Variants in MYO15A observed in about 807,000 individuals in gnomAD.
The protein encoded by MYO15A is myosin XVA, also known as unconventional myosin-XV.
In MYO15A, 308 loss-of-function variants were observed where a neutral mutation model predicts 394.6. That is an observed-to-expected ratio of 0.78 (90% CI 0.71 to 0.86). The LOEUF is 0.86. Among genes scored for constraint, MYO15A ranks in the 40% least tolerant of loss-of-function variants. The pLI is 0.00. For missense variants in MYO15A, 4,606 were observed against 4,799.1 expected, an observed-to-expected ratio of 0.96 and a Z score of 1.19; for synonymous variants, 1,957 against 2,003.8, an observed-to-expected ratio of 0.98 and a Z score of 0.62.
chr17:18,109,071 C>T (rs1226892876), intron 1 of MYO15A: 1 of 152,286 alleles, frequency 6.6e-6, no homozygotes, highest in Admixed American at 6.5e-5. Flanking sequence ...CCTCTCCTGA[C>T]TGTCCTGATG....
Position 18,119,657 on chromosome 17 carries a change from C to T in MYO15A, c.857C>T (p.Pro286Leu). The stretch of plus-strand genomic sequence containing the variant: ...TACTACGGGTACCCGCCCGAGGATC[C>T]CTACGACTACTACCACCCCGACTAT... ...DHYYGYPPEDPYDYYHPDYYG... is the reference protein window; with the variant it reads ...DHYYGYPPEDLYDYYHPDYYG... Residue 286 changes from proline (P) to leucine (L), a missense_variant, in exon 2 of 66, where the codon CCC becomes CTC. This residue lies in a region of MYO15A where 1,830 missense variants were observed against 1,689.7 expected (regional missense o/e 1.08). Coordinates refer to ENST00000647165, the MANE Select transcript of MYO15A (RefSeq NM_016239.4). 1.2e-6 allele frequency: 2 copies of T among 1,604,868 alleles called. No homozygotes were observed. The highest frequency in any genetic ancestry group is 1.7e-6 in the Non-Finnish European group (2 of 1,179,932).
At position 18,144,636 on chromosome 17, in the gene MYO15A, G is replaced by A. The variant is rs775154812; in HGVS notation, c.6273+44G>A. The A allele has an allele frequency of 3.1e-5, 50 of 1,590,930 alleles. No homozygotes were observed. In the Middle Eastern group the frequency reaches 1.1e-3, roughly 36 times the overall value. On this transcript the variant is annotated intron_variant, in intron 29 of 65. Transcript: ENST00000647165. ...CCCACCTTCTAATTCTTAGCCCCTG[G>A]CCCTGAAACTGGGCCATGAGGCTCC... is the stretch of plus-strand genomic sequence containing the variant.
In MYO15A at chr17:18,141,681, G is replaced by C. The variant is rs530696155; in HGVS notation, c.5560G>C (p.Asp1854His). 3.7e-6 allele frequency: 6 copies of C among 1,614,106 alleles called. No individual in the cohort carries two copies. The East Asian group carries it at 1.3e-4, about 36-fold the overall frequency. ...CTGCTGTCTAGTGGCCCTCAAGCAT[G>C]ACCTGCCGGCTAATGGGGACATGTG... ...RYCCLVALKH[D>H]LPANGDMCVS... The change falls in exon 23 of 66, where the codon GAC (aspartate) becomes CAC (histidine). Residue 1854 changes from aspartate to histidine, a missense_variant. By Grantham distance (81) the Asp-to-His change is moderately conservative. Around this residue, in one of 2 missense-constraint regions of MYO15A, gnomAD observed 2,776 missense variants for 3,109.3 expected, o/e 0.89. Transcript: ENST00000647165.
intron 50 of MYO15A, 41 bp from the exon 51 acceptor site, chr17:18,157,681 A>C: frequency 6.2e-7 from 1 of 1,601,966 alleles, no homozygotes; most frequent in South Asian, 1.1e-5. Flanking sequence ...GTCACAAGAC[A>C]AGACCCTCCT....
chr17:18,120,122 C>A lies in MYO15A; in HGVS notation c.1322C>A (p.Ala441Glu). Residue 441 changes from alanine to glutamate, a missense_variant, in exon 2 of 66, where the codon GCG becomes GAG. This residue lies in a region of MYO15A where 1,830 missense variants were observed against 1,689.7 expected (regional missense o/e 1.08). Transcript: ENST00000647165. ...DIAELEEPED[A>E]GVERQGTSFR... is the part of the protein sequence containing the mutation. The stretch of plus-strand genomic sequence containing the variant: ...GCCGAGCTGGAGGAACCAGAGGACG[C>A]GGGCGTAGAGCGTCAGGGGACCTCC... 6.2e-7 allele frequency: 1 copy of A among 1,612,784 alleles called. No homozygotes were observed. The highest frequency in any genetic ancestry group is 2.2e-5 in the East Asian group (1 of 44,874).
intron 58 of MYO15A, 47 bp from the exon 59 acceptor site, chr17:18,163,197 G>C (rs1202677374): frequency 1.3e-6 from 2 of 1,593,166 alleles, no homozygotes; most frequent in Middle Eastern, 1.7e-4. Flanking sequence ...GGCTGTCCCA[G>C]ATCCTAGGAC....
At chr17:18,113,468 A>G (rs2045746572) in intron 1 of MYO15A, among the ~76,000 whole-genome samples, 1 of 152,166 alleles carries the variant, frequency 6.6e-6, no homozygotes, top group African/African-American at 2.4e-5. Context: ...AAGCAAACAC[A>G]AGCTGAGCAT....
At chr17:18,131,983 G>T (rs1426427861) in intron 10 of MYO15A, among the ~76,000 whole-genome samples, 3 of 152,084 alleles carry the variant, frequency 2.0e-5, no homozygotes, top group African/African-American at 7.2e-5. Context: ...GCAGTTATTT[G>T]CTGAGTGTCT....
At position 18,136,557 on chromosome 17, in the gene MYO15A, C is replaced by A; in HGVS notation, c.4656-6C>A. 4 of 1,614,040 alleles carry A rather than the reference C, an allele frequency of 2.5e-6. No homozygotes were observed. Among genetic ancestry groups the A allele is most frequent in the Non-Finnish European group, 3.4e-6 (4 of 1,180,042 alleles). On this transcript the variant is annotated splice_polypyrimidine_tract_variant and splice_region_variant and intron_variant, in intron 14 of 65. Transcript: ENST00000647165. ...CCTGCTCACACCAGCACCACCTCTGCTCCAGGGACGCCATCGCCAAGGTCT... is the reference window on the plus strand; with the variant it reads ...CCTGCTCACACCAGCACCACCTCTGATCCAGGGACGCCATCGCCAAGGTCT...
intron 12 of MYO15A, among the ~76,000 whole-genome samples, chr17:18,134,250 A>G (rs1366398012): frequency 6.6e-6 from 1 of 152,106 alleles, no homozygotes; most frequent in Non-Finnish European, 1.5e-5. Flanking sequence ...GGCCTCCCAA[A>G]GTGCTGGGAT....
chr17:18,159,765 G>A, intron 55 of MYO15A, 86 bp downstream of exon 55: 1 of 1,529,470 alleles, frequency 6.5e-7, no homozygotes, highest in Non-Finnish European at 9.0e-7. Flanking sequence ...AGGACATTAG[G>A]GTGGGAAACC....
intron 64 of MYO15A, 119 bp from the exon 65 acceptor site, chr17:18,173,662 G>T: frequency 7.3e-7 from 1 of 1,367,960 alleles, no homozygotes; most frequent in South Asian, 1.2e-5. Flanking sequence ...TGGGGAACTG[G>T]TACTTGAACT....
At chr17:18,161,515 T>C in intron 57 of MYO15A, 68 bp downstream of exon 57, 1 of 1,603,088 alleles carries the variant, frequency 6.2e-7, no homozygotes, top group South Asian at 1.1e-5. Flanking sequence ...GGACAGCTGG[T>C]GGGAGGGGAA....
intron 29 of MYO15A, among the ~76,000 whole-genome samples, chr17:18,145,413 A>G (rs1336270590): frequency 6.6e-6 from 1 of 152,190 alleles, no homozygotes; most frequent in African/African-American, 2.4e-5. Context: ...GTCATTCGGC[A>G]TAGAATATGG....
Position 18,138,888 on chromosome 17 carries a change from G to A in MYO15A, c.5085G>A (p.Pro1695=), listed in dbSNP as rs764416224. The A allele has an allele frequency of 8.7e-6, 14 of 1,613,136 alleles. No individual in the cohort carries two copies. In the East Asian group the frequency reaches 1.6e-4, roughly 18 times the overall value. ...ANPLYSKPKM[P]LPEFTIKHYA... ...CGCTCTATTCCAAACCCAAGATGCC[G>A]CTGCCTGAGTTCACCATCAAGCACT... Residue 1695 remains proline (P), a synonymous_variant, in exon 18 of 66, where the codon CCG becomes CCA. Coordinates refer to ENST00000647165, the MANE Select transcript of MYO15A (RefSeq NM_016239.4).
intron 1 of MYO15A, among the ~76,000 whole-genome samples, chr17:18,115,603 GCGAGAC>G (rs1164959594): frequency 6.6e-6 from 1 of 151,964 alleles, no homozygotes; most frequent in East Asian, 1.9e-4. Context: ...GAGCAGCACA[GCGAGAC>G]TCTGTCTCAA....
At chr17:18,146,901 G>A (rs762374779) in intron 30 of MYO15A, among the ~76,000 whole-genome samples, 15 of 152,124 alleles carry the variant, frequency 9.9e-5, no homozygotes, top group Non-Finnish European at 2.2e-4. Context: ...ACTTCAGCCT[G>A]GGCAACAGAG....
intron 15 of MYO15A, 48 bp downstream of exon 15, chr17:18,136,734 C>A: frequency 6.5e-7 from 1 of 1,546,368 alleles, no homozygotes; most frequent in Middle Eastern, 1.7e-4. Flanking sequence ...GGCAAGGTCT[C>A]GCCTCCCTCA....
chr17:18,156,873 T>G, intron 48 of MYO15A, 81 bp from the exon 49 acceptor site: 3 of 1,200,360 alleles, frequency 2.5e-6, no homozygotes, highest in East Asian at 2.3e-5. Context: ...TCAGGAAGGA[T>G]GTGAGGAGCA....
Sources: gnomAD v4.1 joint callset for allele counts (sites outside exome capture counted in the v4.1 genomes callset) on GRCh38, gnomAD v4.1.1 for gene constraint, gnomAD v4.1.1 regional missense constraint, MANE v1.5 for transcripts, NCBI Gene and HGNC (gene_info 2026-07-23, HGNC 2026-07-21) for gene names.